Variants in DGKG observed in about 807,000 individuals in gnomAD.
DGKG encodes diacylglycerol kinase gamma, also known as DAG kinase gamma.
Under a neutral mutation model 105.3 loss-of-function variants are expected in DGKG, and 78 were observed. The ratio of observed to expected loss-of-function variants is 0.74; its 90% CI spans 0.62 to 0.89. DGKG has a LOEUF of 0.89. Among genes scored for constraint, DGKG ranks in the 40% least tolerant of loss-of-function variants. The pLI, the probability that DGKG is intolerant of heterozygous loss-of-function variation, is 0.00. For missense variants in DGKG, 958 were observed against 1,020.1 expected (o/e 0.94, Z 0.83); for synonymous variants, 346 against 367.1 (o/e 0.94, Z 0.66).
intron 21 of DGKG, among the ~76,000 whole-genome samples, chr3:186,197,521 G>T (rs934621840): frequency 6.6e-6 from 1 of 152,132 alleles, no homozygotes; most frequent in Non-Finnish European, 1.5e-5. Flanking sequence ...CGGGGCCTGT[G>T]GGACTTAGGT....
intron 7 of DGKG, among the ~76,000 whole-genome samples, chr3:186,282,690 A>G (rs575700730): frequency 2.9e-4 from 44 of 151,306 alleles, no homozygotes; most frequent in African/African-American, 1.0e-3. Context: ...TTTCTTTTGT[A>G]TTTTTAGTAG....
intron 6 of DGKG, among the ~76,000 whole-genome samples, chr3:186,287,210 T>C (rs541439281): frequency 6.6e-6 from 1 of 152,252 alleles, no homozygotes; most frequent in African/African-American, 2.4e-5. Flanking sequence ...AAAATGTGAA[T>C]ACTGACTATT....
At chr3:186,253,234 G>GT in intron 17 of DGKG, 52 bp from the exon 18 acceptor site, 1 of 1,447,970 alleles carries the variant, frequency 6.9e-7, no homozygotes, top group South Asian at 1.1e-5. Flanking sequence ...ACTGTAGAAT[G>GT]TTTGAGTTGT....
intron 1 of DGKG, among the ~76,000 whole-genome samples, chr3:186,351,577 A>C (rs1433292943): frequency 6.6e-6 from 1 of 152,226 alleles, no homozygotes; most frequent in African/African-American, 2.4e-5. Context: ...TTAAAAGAGA[A>C]GGGAATGATC....
At chr3:186,314,903 G>T (rs1167490687) in intron 2 of DGKG, among the ~76,000 whole-genome samples, 1 of 151,976 alleles carries the variant, frequency 6.6e-6, no homozygotes, top group Non-Finnish European at 1.5e-5. Flanking sequence ...TAAATGAATA[G>T]TTTCTGTCCT....
intron 21 of DGKG, among the ~76,000 whole-genome samples, chr3:186,202,900 A>C (rs1718542791): frequency 6.6e-6 from 1 of 152,246 alleles, no homozygotes; most frequent in South Asian, 2.1e-4. Flanking sequence ...AAGTCCACGG[A>C]AGACACAAAG....
Position 186,149,910 on chromosome 3 carries a change from A to C in DGKG, c.*180T>G. 7.1e-7 allele frequency: 1 copy of C among 1,414,618 alleles called. No individual in the cohort carries two copies. Among genetic ancestry groups the C allele is most frequent in the Non-Finnish European group, 9.2e-7 (1 of 1,089,718 alleles). 87.6% of individuals were successfully genotyped at this position (1,414,618 alleles called of 1,614,324 possible). A position where few individuals can be genotyped will look rare whatever the true frequency, so the allele number is the denominator to read the frequency against. On this transcript the variant is annotated 3_prime_UTR_variant, in exon 25 of 25. Coordinates refer to ENST00000265022, the MANE Select transcript of DGKG (RefSeq NM_001346.3). ...CTGTTAGGGGTGTACCCACTGTTGA[A>C]ACAGAATGTATGGCAAGGTGACGTT... is the stretch of plus-strand genomic sequence containing the variant.
chr3:186,160,506 T>C, intron 24 of DGKG: 2 of 985,384 alleles, frequency 2.0e-6, no homozygotes, highest in African/African-American at 3.5e-5. Flanking sequence ...TTCATAAGAT[T>C]GAGGTAAGAT....
chr3:186,188,145 T>A, intron 22 of DGKG, 57 bp downstream of exon 22: 1 of 1,593,986 alleles, frequency 6.3e-7, no homozygotes, highest in Non-Finnish European at 8.6e-7. Context: ...GACATCCACC[T>A]GAGGGCACCT....
At chr3:186,202,258 T>C (rs1352080138) in intron 21 of DGKG, among the ~76,000 whole-genome samples, 1 of 152,252 alleles carries the variant, frequency 6.6e-6, no homozygotes, top group Non-Finnish European at 1.5e-5. Context: ...GTGGTATTTA[T>C]CCAACCCCTT....
intron 2 of DGKG, among the ~76,000 whole-genome samples, chr3:186,317,504 C>A (rs1187738105): frequency 2.0e-5 from 3 of 152,186 alleles, no homozygotes; most frequent in Non-Finnish European, 4.4e-5. Flanking sequence ...AGTTCTTCCC[C>A]CAACACTCCT....
At chr3:186,234,930 C>T (rs749320753) in intron 20 of DGKG, among the ~76,000 whole-genome samples, 9 of 152,134 alleles carry the variant, frequency 5.9e-5, no homozygotes, top group Non-Finnish European at 1.3e-4. Flanking sequence ...AGATGATCCA[C>T]GTGGTTGCTC....
intron 24 of DGKG, chr3:186,160,627 C>T: frequency 1.0e-6 from 1 of 985,380 alleles, no homozygotes; most frequent in Non-Finnish European, 1.2e-6. Context: ...TTCTGGAGGG[C>T]TCAAAATAGC....
intron 24 of DGKG, among the ~76,000 whole-genome samples, chr3:186,157,894 G>T (rs2108473225): frequency 6.6e-6 from 1 of 152,064 alleles, no homozygotes; most frequent in African/African-American, 2.4e-5. Flanking sequence ...GTACAGATGG[G>T]GTTTAGCCAT....
intron 2 of DGKG, among the ~76,000 whole-genome samples, chr3:186,314,631 A>G (rs1479158737): frequency 6.6e-6 from 1 of 151,788 alleles, no homozygotes; most frequent in Non-Finnish European, 1.5e-5. Flanking sequence ...GTGGGAGCCT[A>G]TAGTCCCAGC....
chr3:186,238,254 C>A lies in DGKG; in HGVS notation c.1826+4250G>T, dbSNP rs541525414. Among the ~76,000 whole-genome samples, 38 of 146,386 alleles carry A rather than the reference C, an allele frequency of 2.6e-4. 1 individual carries two copies. In the South Asian group the frequency reaches 7.6e-3, roughly 29 times the overall value. ...AAGGTTGCAGTGAGCCAAGATCACA[C>A]CACTGCACTCCAGGCCAGGTGACAG... On this transcript the variant is annotated intron_variant, in intron 20 of 24. Coordinates refer to ENST00000265022, the MANE Select transcript of DGKG (RefSeq NM_001346.3).
At chr3:186,359,256 C>G (rs1020700452) in intron 1 of DGKG, among the ~76,000 whole-genome samples, 1 of 152,264 alleles carries the variant, frequency 6.6e-6, no homozygotes, top group Non-Finnish European at 1.5e-5. Context: ...CATTCATGCC[C>G]TTTGGCCTGG....
intron 21 of DGKG, among the ~76,000 whole-genome samples, chr3:186,194,117 G>A (rs1162200849): frequency 6.6e-6 from 1 of 152,244 alleles, no homozygotes; most frequent in African/African-American, 2.4e-5. Context: ...GTCCCCCTTG[G>A]GAAGACAATC....
At chr3:186,338,169 C>CAAAAA (rs34436386) in intron 1 of DGKG, among the ~76,000 whole-genome samples, 5 of 75,784 alleles carry the variant, frequency 6.6e-5, no homozygotes, top group African/African-American at 8.9e-5. Context: ...GACCCTATCT[C>CAAAAA]AAAAAAAAAA....
Sources: allele counts gnomAD v4.1 joint callset (sites outside exome capture counted in the v4.1 genomes callset), GRCh38; gene constraint gnomAD v4.1.1; transcripts MANE v1.5; gene names NCBI Gene and HGNC (gene_info 2026-07-23, HGNC 2026-07-21).